Variants in OPA1 observed in about 807,000 individuals in gnomAD.
The protein encoded by OPA1 is dynamin-like GTPase OPA1, mitochondrial.
Under a neutral mutation model 152.9 loss-of-function variants are expected in OPA1, and 59 were observed. The observed-to-expected ratio is 0.39, with a 90% CI of 0.31 to 0.48. OPA1 has a LOEUF of 0.48. OPA1 is among the 20% of genes least tolerant of loss of function. OPA1 has a pLI of 0.96. For synonymous variants in OPA1, 400 were observed against 389.9 expected (o/e 1.03, Z -0.31); for missense variants, 1,008 against 1,216.8 (o/e 0.83, Z 2.55).
intron 16 of OPA1, among the ~76,000 whole-genome samples, chr3:193,645,109 C>A (rs537636428): frequency 1.3e-5 from 2 of 151,610 alleles, no homozygotes; most frequent in Non-Finnish European, 2.9e-5. Context: ...TAAAAGAAGA[C>A]AATCCAGCTT....
At chr3:193,675,359 C>G (rs1718771687) in intron 29 of OPA1, among the ~76,000 whole-genome samples, 1 of 140,942 alleles carries the variant, frequency 7.1e-6, no homozygotes, top group Non-Finnish European at 1.5e-5. Flanking sequence ...AACACCCAAT[C>G]AAGAAGAATA....
intron 21 of OPA1, among the ~76,000 whole-genome samples, chr3:193,651,258 G>A (rs924868587): frequency 3.3e-5 from 5 of 152,120 alleles, no homozygotes; most frequent in Admixed American, 6.6e-5. Flanking sequence ...GAATACAGGC[G>A]GAGAAAACTG....
rs145417137 is a variant in OPA1 at position 193,611,376 on chromosome 3, A to T, written c.33-3347A>T. On this transcript the variant is annotated intron_variant, in intron 1 of 30. Transcript: ENST00000361510. ...CACTTTGGAAGGCCAAGGTGGGAGG[A>T]TCACGAGGTCAGGAGATCAAGACCA... 4.4e-3 allele frequency among the ~76,000 whole-genome samples: 669 copies of T among 152,176 alleles called. 8 individuals are homozygous for T. Among genetic ancestry groups the T allele is most frequent in the African/African-American group, 0.015 (622 of 41,526 alleles).
At chr3:193,676,842 G>T (rs549880940) in intron 29 of OPA1, among the ~76,000 whole-genome samples, 2 of 152,030 alleles carry the variant, frequency 1.3e-5, no homozygotes, top group Non-Finnish European at 2.9e-5. Flanking sequence ...TTAGCCAGGC[G>T]TGGTGGCGGG....
chr3:193,660,536 T>A (rs1003110444), intron 25 of OPA1, among the ~76,000 whole-genome samples: 4 of 152,222 alleles, frequency 2.6e-5, no homozygotes, highest in Non-Finnish European at 4.4e-5. Context: ...TTCTTTATTT[T>A]ATATTTTCAT....
intron 1 of OPA1, among the ~76,000 whole-genome samples, 182 bp downstream of exon 1, chr3:193,593,591 C>T (rs1218007533): frequency 6.6e-6 from 1 of 152,214 alleles, no homozygotes; most frequent in Non-Finnish European, 1.5e-5. Flanking sequence ...ACGTTCGGAG[C>T]CGGCTTCAAT....
Position 193,658,877 on chromosome 3 carries a change from T to A in OPA1, c.2332-10T>A. On this transcript the variant is annotated splice_polypyrimidine_tract_variant and intron_variant, in intron 23 of 30. Coordinates refer to ENST00000361510, the MANE Select transcript of OPA1 (RefSeq NM_130837.3). Reference sequence around the variant, plus strand: ...AACAAGTTGGCTTTTTCTCTTCTTGTTATTTTCAGAGGGTTATTCAACACA... The same window carrying A: ...AACAAGTTGGCTTTTTCTCTTCTTGATATTTTCAGAGGGTTATTCAACACA... 6.2e-7 allele frequency: 1 copy of A among 1,602,656 alleles called. No homozygotes were observed. Among genetic ancestry groups the A allele is most frequent in the Non-Finnish European group, 8.5e-7 (1 of 1,169,616 alleles).
intron 21 of OPA1, among the ~76,000 whole-genome samples, chr3:193,651,313 T>C (rs548719667): frequency 6.6e-6 from 1 of 152,270 alleles, no homozygotes; most frequent in East Asian, 1.9e-4. Flanking sequence ...AGGCAAGATG[T>C]GATCATGGCT....
At chr3:193,680,607 G>C (rs1254222338) in intron 29 of OPA1, among the ~76,000 whole-genome samples, 1 of 152,104 alleles carries the variant, frequency 6.6e-6, no homozygotes, top group Non-Finnish European at 1.5e-5. Context: ...CTGCCTGGGT[G>C]GTTTTCCTTT....
At chr3:193,674,385 C>A (rs1718547604) in intron 29 of OPA1, among the ~76,000 whole-genome samples, 1 of 152,122 alleles carries the variant, frequency 6.6e-6, no homozygotes, top group Non-Finnish European at 1.5e-5. Context: ...CTTTGTTCTT[C>A]ATAATATCAT....
At chr3:193,601,184 C>T (rs1249916710) in intron 1 of OPA1, among the ~76,000 whole-genome samples, 1 of 152,072 alleles carries the variant, frequency 6.6e-6, no homozygotes, top group Non-Finnish European at 1.5e-5. Flanking sequence ...GTTTTAAATT[C>T]CGTACAAATG....
At chr3:193,669,206 A>G (rs1203394659) in intron 29 of OPA1, among the ~76,000 whole-genome samples, 2 of 152,178 alleles carry the variant, frequency 1.3e-5, no homozygotes, top group African/African-American at 4.8e-5. Context: ...CCTGCGCAGC[A>G]TGCTCACCCC....
At chr3:193,643,870 A>G (rs1250084231) in intron 15 of OPA1, 105 bp from the exon 16 acceptor site, 17 of 1,240,294 alleles carry the variant, frequency 1.4e-5, no homozygotes, top group Non-Finnish European at 1.8e-5. Context: ...ATGTATTAAA[A>G]TCTTTCTTGC....
At position 193,609,334 on chromosome 3, in the gene OPA1, A is replaced by T. The variant is rs531432880; in HGVS notation, c.33-5389A>T. Among the ~76,000 whole-genome samples the T allele has an allele frequency of 3.9e-3, 594 of 152,266 alleles. 1 individual carries two copies. Among genetic ancestry groups the T allele is most frequent in the Non-Finnish European group, 7.4e-3 (502 of 68,026 alleles). On this transcript the variant is annotated intron_variant, in intron 1 of 30. Transcript: ENST00000361510. Reference sequence around the variant, plus strand: ...CTGGATATGAAATTCTGGGTTGAAAATTCTTTTCTTTAAGAATGTTGAATA... The same window carrying T: ...CTGGATATGAAATTCTGGGTTGAAATTTCTTTTCTTTAAGAATGTTGAATA...
chr3:193,637,076 A>G (rs1733055307), intron 9 of OPA1, 119 bp from the exon 10 acceptor site: 3 of 556,962 alleles, frequency 5.4e-6, no homozygotes, highest in Non-Finnish European at 9.5e-6. Flanking sequence ...ATTTGAGAAA[A>G]CAGTACAATG....
chr3:193,607,790 CTG>C (rs1334047787), intron 1 of OPA1, among the ~76,000 whole-genome samples: 1 of 152,088 alleles, frequency 6.6e-6, no homozygotes, highest in African/African-American at 2.4e-5. Flanking sequence ...TTTTCCAATT[CTG>C]TGAAGAAAGT....
In OPA1 at chr3:193,614,880, TCTC is replaced by T; in HGVS notation, c.191_193del (p.Ser64del). On this transcript the variant is annotated inframe_deletion, in exon 2 of 31. Coordinates refer to ENST00000361510, the MANE Select transcript of OPA1 (RefSeq NM_130837.3). ...AAGGACATCCTTTCAGCAGTTCTCT[TCTC>T]TGACAAACCTTCCTTTACGTAAACT... is the stretch of plus-strand genomic sequence containing the variant. 1 of 1,614,104 alleles carries T rather than the reference TCTC, an allele frequency of 6.2e-7. No individual in the cohort carries two copies. Among genetic ancestry groups the T allele is most frequent in the Non-Finnish European group, 8.5e-7 (1 of 1,179,968 alleles).
intron 6 of OPA1, among the ~76,000 whole-genome samples, chr3:193,625,738 G>A (rs539852824): frequency 1.8e-4 from 27 of 150,106 alleles, no homozygotes; most frequent in Non-Finnish European, 3.8e-4. Context: ...AATCATGGTT[G>A]AGAATTAGAA....
chr3:193,673,751 T>C (rs1048703707), intron 29 of OPA1, among the ~76,000 whole-genome samples: 10 of 152,244 alleles, frequency 6.6e-5, no homozygotes, highest in Non-Finnish European at 1.5e-4. Context: ...AGAGAAGATA[T>C]ACTTTAGTAG....
Sources: gnomAD v4.1 joint callset for allele counts (sites outside exome capture counted in the v4.1 genomes callset) on GRCh38, gnomAD v4.1.1 for gene constraint, MANE v1.5 for transcripts, NCBI Gene and HGNC (gene_info 2026-07-23, HGNC 2026-07-21) for gene names.